MED14: variants seen among roughly 807,000 people sequenced by gnomAD.
MED14 encodes the protein mediator of RNA polymerase II transcription subunit 14.
A neutral mutation model predicts 109.0 loss-of-function variants in MED14; 8 were observed. The ratio of observed to expected loss-of-function variants is 0.07; its 90% CI spans 0.04 to 0.13. The LOEUF is 0.13. Ranked by LOEUF, MED14 falls within the 10% of genes least tolerant of loss-of-function variation. The pLI is 1.00. For synonymous variants in MED14, 399 were observed against 408.7 expected (o/e 0.98, Z 0.29); for missense variants, 711 against 1,142.4 (o/e 0.62, Z 5.44).
chrX:40,715,057 T>C, intron 3 of MED14: 2 of 148,256 alleles, frequency 1.3e-5, no homozygotes, highest in South Asian at 3.7e-4. Flanking sequence ...AATGAAGGAG[T>C]TAAAAGCATG....
At chrX:40,701,356 A>G in intron 11 of MED14, 113 bp from the exon 12 acceptor site, 1 of 481,381 alleles carries the variant, frequency 2.1e-6, no homozygotes, top group Non-Finnish European at 3.4e-6. Context: ...GCAGAAAATC[A>G]TGTTGTTTTT....
At chrX:40,725,267 C>G (rs148509754) in intron 3 of MED14, among the ~76,000 whole-genome samples, 1,719 of 111,672 alleles carry the variant, frequency 0.015, 29 homozygotes, top group African/African-American at 0.052. Flanking sequence ...AAACTAATAC[C>G]AATCCTACTT....
At chrX:40,720,447 T>C (rs1602491724) in intron 3 of MED14, among the ~76,000 whole-genome samples, 1 of 112,070 alleles carries the variant, frequency 8.9e-6, no homozygotes, top group Admixed American at 9.4e-5. Context: ...GAGGGAGCAT[T>C]TGGACCAGCC....
intron 15 of MED14, among the ~76,000 whole-genome samples, chrX:40,689,752 A>G (rs1930430778): frequency 8.9e-6 from 1 of 112,024 alleles, no homozygotes; most frequent in Admixed American, 9.5e-5. Flanking sequence ...AGTTATTCAC[A>G]TCTCAGCCTA....
chrX:40,729,900 A>G (rs967532262), intron 1 of MED14, among the ~76,000 whole-genome samples: 1 of 112,456 alleles, frequency 8.9e-6, no homozygotes, highest in African/African-American at 3.2e-5. Context: ...AGGATTTTTA[A>G]GTTTCTTTTT....
intron 9 of MED14, 75 bp downstream of exon 9, chrX:40,709,904 T>G (rs1442554210): frequency 1.5e-6 from 1 of 670,309 alleles, no homozygotes. Flanking sequence ...TTTAAAAATT[T>G]GTGCTAAGAG....
chrX:40,679,721 C>A lies in MED14; in HGVS notation c.2880+143G>T, dbSNP rs768041408. 4 of 518,842 alleles carry A rather than the reference C, an allele frequency of 7.7e-6. No individual in the cohort carries two copies. In the African/African-American group the frequency reaches 9.5e-5, roughly 12 times the overall value. 42.8% of individuals were successfully genotyped at this position (518,842 alleles called of 1,213,427 possible). The stretch of plus-strand genomic sequence containing the variant: ...AGAACTTCTAGCTCCTTCAGAATGA[C>A]GTTATACAGATGATGAGTTAACACT... On this transcript the variant is annotated intron_variant, in intron 21 of 30. Transcript: ENST00000324817.
chrX:40,662,272 C>A (rs1046397540), intron 26 of MED14, among the ~76,000 whole-genome samples: 4 of 111,184 alleles, frequency 3.6e-5, no homozygotes, highest in Admixed American at 2.9e-4. Flanking sequence ...ACTCGATCAC[C>A]CAGGACAGAG....
chrX:40,672,643 A>G (rs5963831), intron 22 of MED14, among the ~76,000 whole-genome samples: 2,954 of 111,390 alleles, frequency 0.027, 88 homozygotes, highest in African/African-American at 0.092. Flanking sequence ...TTTAATTTGT[A>G]TTTCTGTGAT....
At chrX:40,717,525 A>G (rs369325751) in intron 3 of MED14, among the ~76,000 whole-genome samples, 1 of 75,356 alleles carries the variant, frequency 1.3e-5, no homozygotes, top group Non-Finnish European at 2.6e-5. Context: ...TTGTTGTTTC[A>G]TTTTGTTTTG....
chrX:40,705,600 A>C (rs186702998), intron 10 of MED14, among the ~76,000 whole-genome samples: 307 of 112,413 alleles, frequency 2.7e-3, no homozygotes, highest in Non-Finnish European at 5.0e-3. Context: ...GAGGGAATTA[A>C]AAGCAGTGTA....
chrX:40,695,300 T>A (rs1442356222), intron 13 of MED14, among the ~76,000 whole-genome samples: 1 of 112,279 alleles, frequency 8.9e-6, no homozygotes, highest in Non-Finnish European at 1.9e-5. Context: ...GTAAATTATA[T>A]CTTAATAAAG....
chrX:40,665,278 C>T (rs948651833), intron 24 of MED14, among the ~76,000 whole-genome samples: 1 of 111,644 alleles, frequency 9.0e-6, no homozygotes, highest in Non-Finnish European at 1.9e-5. Flanking sequence ...AATCCCAGCA[C>T]TTTGGAAGGC....
chrX:40,672,750 G>A (rs1929772987), intron 22 of MED14, among the ~76,000 whole-genome samples: 1 of 110,443 alleles, frequency 9.1e-6, no homozygotes, highest in Non-Finnish European at 1.9e-5. Flanking sequence ...TTTAAAACCA[G>A]ATTGTCTACT....
intron 3 of MED14, among the ~76,000 whole-genome samples, chrX:40,715,233 A>G (rs2146717516): frequency 9.0e-6 from 1 of 111,663 alleles, no homozygotes; most frequent in East Asian, 2.8e-4. Flanking sequence ...GTATTAAGAG[A>G]TAATGCAAAA....
chrX:40,676,836 C>T (rs1929924153), intron 21 of MED14, among the ~76,000 whole-genome samples: 2 of 112,030 alleles, frequency 1.8e-5, no homozygotes, highest in South Asian at 3.7e-4. Flanking sequence ...TGTAAATTTC[C>T]TGAGGCCTCC....
intron 16 of MED14, among the ~76,000 whole-genome samples, chrX:40,683,694 A>G (rs1930203189): frequency 9.0e-6 from 1 of 111,684 alleles, no homozygotes; most frequent in African/African-American, 3.3e-5. Context: ...TTGCAGTAAA[A>G]CCAAATCTTG....
At chrX:40,735,628 G>T (rs1932240105), upstream of MED14, 1 of 501,462 alleles carries the variant, frequency 2.0e-6, no homozygotes. Flanking sequence ...GCGGGGGGAG[G>T]CGGGGATGGG....
intron 11 of MED14, among the ~76,000 whole-genome samples, chrX:40,701,998 G>A (rs1435496029): frequency 9.0e-6 from 1 of 111,279 alleles, no homozygotes; most frequent in African/African-American, 3.3e-5. Context: ...AGACTTATAA[G>A]AACGGATGCC....
Sources: gnomAD v4.1 joint callset for allele counts (sites outside exome capture counted in the v4.1 genomes callset) on GRCh38, gnomAD v4.1.1 for gene constraint, MANE v1.5 for transcripts, NCBI Gene and HGNC (gene_info 2026-07-23, HGNC 2026-07-21) for gene names.